The following ITIH5 variants were observed in gnomAD, a reference collection of about 807,000 sequenced individuals.
ITIH5 encodes inter-alpha-trypsin inhibitor heavy chain H5.
A neutral mutation model predicts 77.5 loss-of-function variants in ITIH5; 65 were observed. The observed-to-expected ratio is 0.84, with a 90% CI of 0.69 to 1.03. The LOEUF is 1.03. Ranked by LOEUF, ITIH5 falls within the 50% of genes least tolerant of loss-of-function variation. ITIH5 has a pLI of 0.00. For synonymous variants in ITIH5, 525 were observed against 494.3 expected, an observed-to-expected ratio of 1.06 and a Z score of -0.82; for missense variants, 1,208 against 1,213.1, an observed-to-expected ratio of 1.00 and a Z score of 0.06.
intron 2 of ITIH5, among the ~76,000 whole-genome samples, chr10:7,647,286 A>G (rs548242276): frequency 4.9e-4 from 75 of 152,332 alleles, no homozygotes; most frequent in African/African-American, 1.7e-3. Context: ...CCATTCATTT[A>G]CATACTGTCT....
In ITIH5 at chr10:7,576,558, C is replaced by G; in HGVS notation, c.1873G>C (p.Gly625Arg). 6.2e-7 allele frequency: 1 copy of G among 1,613,808 alleles called. No individual in the cohort carries two copies. The highest frequency in any genetic ancestry group is 8.5e-7 in the Non-Finnish European group (1 of 1,180,028). The change falls in exon 10 of 14, where the codon GGG becomes CGG. Residue 625 changes from glycine (G) to arginine (R), a missense_variant. By Grantham distance (125) the Gly-to-Arg change is moderately radical. Coordinates refer to ENST00000397146, the MANE Select transcript of ITIH5 (RefSeq NM_030569.7). ...AGGCCATCCATGCGTGGGACCGGCC[C>G]CCTCAGCTTCATGGAGGTGAAGGGA... is the stretch of plus-strand genomic sequence containing the variant. ...LTPFTSMKLR[G>R]PVPRMDGLEE... is the part of the protein sequence containing the mutation.
intron 5 of ITIH5, among the ~76,000 whole-genome samples, chr10:7,623,076 T>C (rs1833499572): frequency 6.6e-6 from 1 of 152,222 alleles, no homozygotes; most frequent in Non-Finnish European, 1.5e-5. Context: ...GGCAGCCAAC[T>C]GCTATGTAAA....
chr10:7,595,532 A>G (rs988221820), intron 7 of ITIH5, among the ~76,000 whole-genome samples: 1 of 152,180 alleles, frequency 6.6e-6, no homozygotes, highest in Non-Finnish European at 1.5e-5. Context: ...GTTTAATACT[A>G]TTTTATGGTG....
chr10:7,624,804 T>TATGTGTATATAC (rs1833534406), intron 5 of ITIH5, among the ~76,000 whole-genome samples: 1 of 14,856 alleles, frequency 6.7e-5, no homozygotes, highest in Admixed American at 9.8e-4. Context: ...AAAAAATATA[T>TATGTGTATATAC]ATATATATAC....
intron 7 of ITIH5, among the ~76,000 whole-genome samples, chr10:7,600,261 T>C (rs942345894): frequency 4.6e-5 from 7 of 152,216 alleles, no homozygotes; most frequent in Admixed American, 2.0e-4. Context: ...TCTGAGCCAG[T>C]GGACAGGATG....
chr10:7,613,116 GCA>G, intron 7 of ITIH5, among the ~76,000 whole-genome samples: 1 of 152,216 alleles, frequency 6.6e-6, no homozygotes, highest in South Asian at 2.1e-4. Context: ...ATGGTGGCGA[GCA>G]CCTGTAATCT....
At chr10:7,565,079 TATATAC>T (rs1225165271) in intron 13 of ITIH5, among the ~76,000 whole-genome samples, 9 of 146,430 alleles carry the variant, frequency 6.1e-5, no homozygotes, top group South Asian at 4.3e-4. Context: ...TGTATATATA[TATATAC>T]ACACACACAC....
chr10:7,584,572 T>G (rs1348303352), intron 8 of ITIH5, among the ~76,000 whole-genome samples: 2 of 152,126 alleles, frequency 1.3e-5, no homozygotes, highest in Non-Finnish European at 2.9e-5. Context: ...CCCAAAGTGC[T>G]GGGATTACAA....
Position 7,566,386 on chromosome 10 carries a change from A to G in ITIH5, c.2171T>C (p.Leu724Ser), listed in dbSNP as rs767548977. 6.2e-6 allele frequency: 10 copies of G among 1,601,142 alleles called. No individual in the cohort carries two copies. Among genetic ancestry groups the G allele is most frequent in the Non-Finnish European group, 8.6e-6 (10 of 1,169,516 alleles). The change falls in exon 13 of 14, where the codon TTA (leucine) becomes TCA (serine). Residue 724 changes from leucine to serine, a missense_variant. By Grantham distance (145) the Leu-to-Ser change is moderately radical (BLOSUM62 -2). Coordinates refer to ENST00000397146, the MANE Select transcript of ITIH5 (RefSeq NM_030569.7). ...RDSGVTVNGE[L>S]IGAPAPPNGH... ...ATTTGGAGGGGCGGGTGCCCCAATT[A>G]ACTCTCCGTTCACTGTGACACCTCA...
intron 5 of ITIH5, among the ~76,000 whole-genome samples, chr10:7,636,650 A>G (rs1833801790): frequency 6.6e-6 from 1 of 152,182 alleles, no homozygotes; most frequent in Non-Finnish European, 1.5e-5. Flanking sequence ...GACATTCCCA[A>G]TATGTTAGAT....
intron 7 of ITIH5, among the ~76,000 whole-genome samples, chr10:7,601,863 T>C (rs987822528): frequency 6.6e-6 from 1 of 152,118 alleles, no homozygotes; most frequent in Admixed American, 6.5e-5. Context: ...AGTTTTTGTT[T>C]TGTTTTTGAG....
At chr10:7,609,498 G>C (rs746148914) in intron 7 of ITIH5, 1 of 456,502 alleles carries the variant, frequency 2.2e-6, no homozygotes, top group Non-Finnish European at 4.4e-6. Context: ...CAATGTCCTA[G>C]AGCATAAAGT....
intron 2 of ITIH5, among the ~76,000 whole-genome samples, chr10:7,652,436 G>C (rs932643200): frequency 6.6e-6 from 1 of 152,190 alleles, no homozygotes; most frequent in Non-Finnish European, 1.5e-5. Context: ...CACGGGTGAT[G>C]TGGAGTCACT....
At chr10:7,572,771 CTTTT>C (rs528912890) in intron 11 of ITIH5, 3 of 88,346 alleles carry the variant, frequency 3.4e-5, no homozygotes, top group East Asian at 3.1e-4. Context: ...TGGTTTTACA[CTTTT>C]TTTTTTTTTT....
chr10:7,618,162 T>G (rs1404331819), intron 5 of ITIH5: 2 of 152,082 alleles, frequency 1.3e-5, no homozygotes, highest in African/African-American at 4.8e-5. Flanking sequence ...AGAGACAGGG[T>G]CTTGCTATGT....
intron 4 of ITIH5, 63 bp from the exon 5 acceptor site, chr10:7,637,541 A>C (rs917373253): frequency 7.9e-5 from 122 of 1,539,572 alleles, no homozygotes; most frequent in Admixed American, 1.8e-4. Context: ...AGGTTCCCTC[A>C]GTCCCCACAG....
chr10:7,590,756 T>C (rs1832776933), intron 7 of ITIH5, among the ~76,000 whole-genome samples: 1 of 152,196 alleles, frequency 6.6e-6, no homozygotes, highest in African/African-American at 2.4e-5. Context: ...TAAATTCCCA[T>C]ACGTGGAAGC....
In ITIH5 at chr10:7,559,879, T is replaced by A. The variant is rs1211790385; in HGVS notation, c.*3204A>T. 2.2e-6 allele frequency: 1 copy of A among 453,696 alleles called. No individual in the cohort carries two copies. Among genetic ancestry groups the A allele is most frequent in the Non-Finnish European group, 4.4e-6 (1 of 226,510 alleles). 28.1% of individuals were successfully genotyped at this position (453,696 alleles called of 1,614,324 possible). A position where few individuals can be genotyped will look rare whatever the true frequency, so the allele number is the denominator to read the frequency against. ...TTTGTTTTGTTTTTTTTTGACGGAG[T>A]TTGGCTCTGTCACTCCAGCTGGAGT... On this transcript the variant is annotated 3_prime_UTR_variant, in exon 14 of 14. Transcript: ENST00000397146.
chr10:7,666,709 G>T, intron 1 of ITIH5, 94 bp downstream of exon 1: 1 of 995,526 alleles, frequency 1.0e-6, no homozygotes. Flanking sequence ...CTGGGAGACG[G>T]TCGAAGGGGG....
Sources: gnomAD v4.1 joint callset for allele counts (sites outside exome capture counted in the v4.1 genomes callset) on GRCh38, gnomAD v4.1.1 for gene constraint, MANE v1.5 for transcripts, NCBI Gene and HGNC (gene_info 2026-07-23, HGNC 2026-07-21) for gene names.